MPRIP: variants seen among roughly 807,000 people sequenced by gnomAD.
MPRIP encodes myosin phosphatase Rho interacting protein, also known as myosin phosphatase Rho-interacting protein.
A neutral mutation model predicts 234.9 loss-of-function variants in MPRIP; 59 were observed. That is an observed-to-expected ratio of 0.25 (90% CI 0.20 to 0.31). The LOEUF is 0.31. Ranked by LOEUF, MPRIP falls within the 10% of genes least tolerant of loss-of-function variation. The pLI is 1.00. For synonymous variants in MPRIP, 1,144 were observed against 1,263.9 expected (o/e 0.91, Z 2.01); for missense variants, 2,436 against 3,071.0 (o/e 0.79, Z 4.89).
At position 17,167,320 on chromosome 17, in the gene MPRIP, A is replaced by G; in HGVS notation, c.5729A>G (p.Glu1910Gly). The G allele has an allele frequency of 2.3e-6, 3 of 1,303,984 alleles. No individual in the cohort carries two copies. The highest frequency in any genetic ancestry group is 3.0e-6 in the Non-Finnish European group (3 of 988,950). 80.8% of individuals were successfully genotyped at this position (1,303,984 alleles called of 1,614,324 possible). ...SEYLDVIAIV[E>G]RENAELKAKA... ...TACCTGGATGTGATCGCCATTGTTGAAAGGGAGAATGCAGAGCTCAAGGCC... is the reference window on the plus strand; with the variant it reads ...TACCTGGATGTGATCGCCATTGTTGGAAGGGAGAATGCAGAGCTCAAGGCC... The change falls in exon 16 of 24, where the codon GAA becomes GGA. Residue 1910 changes from glutamate to glycine, a missense_variant. Around this residue, in one of 4 missense-constraint regions of MPRIP, gnomAD observed 1,998 missense variants for 2,520.3 expected, o/e 0.79. Transcript: ENST00000651222. This position sits in a 1 kb window ranked among gnomAD's most constrained non-coding sequence, Gnocchi z 5.9.
At chr17:17,126,931 G>A in intron 4 of MPRIP, 78 bp downstream of exon 4, 1 of 1,539,692 alleles carries the variant, frequency 6.5e-7, no homozygotes, top group Non-Finnish European at 8.9e-7. Context: ...CTGCCCCTGT[G>A]GCAGTGTCGA....
chr17:17,159,191 C>G (rs1181248966), intron 14 of MPRIP, among the ~76,000 whole-genome samples, 189 bp downstream of exon 14: 1 of 152,224 alleles, frequency 6.6e-6, no homozygotes, highest in African/African-American at 2.4e-5. Context: ...TGGGAGCGTG[C>G]CAGTGCATGC....
intron 3 of MPRIP, among the ~76,000 whole-genome samples, chr17:17,121,646 G>A (rs2090391362): frequency 6.6e-6 from 1 of 152,198 alleles, no homozygotes; most frequent in Admixed American, 6.5e-5. Flanking sequence ...AGACTTGGAG[G>A]GAGCTATTTT....
At chr17:17,085,336 G>A (rs998490095) in intron 3 of MPRIP, among the ~76,000 whole-genome samples, 14 of 152,280 alleles carry the variant, frequency 9.2e-5, no homozygotes, top group African/African-American at 2.4e-4. Context: ...CTTTGGACTC[G>A]GGTGTGTTTT....
At chr17:17,057,495 C>G in intron 1 of MPRIP, 1 of 671,242 alleles carries the variant, frequency 1.5e-6, no homozygotes, top group South Asian at 1.7e-5. Context: ...CTTCCCAGTG[C>G]TAGGTGCTGG....
chr17:17,184,735 C>T (rs564827006), intron 23 of MPRIP, 88 bp from the exon 24 acceptor site: 178 of 977,132 alleles, frequency 1.8e-4, no homozygotes, highest in Non-Finnish European at 1.9e-5. Context: ...ATGCCGGCTC[C>T]ACCAGCGGTC....
chr17:17,121,155 A>G (rs919253877), intron 3 of MPRIP, among the ~76,000 whole-genome samples: 2 of 152,190 alleles, frequency 1.3e-5, no homozygotes, highest in Non-Finnish European at 2.9e-5. Context: ...ATCCTGAGAA[A>G]TGTGTTTTCT....
rs2046255609 is a variant in MPRIP, at chr17:17,176,457, A to G, written c.6902A>G (p.Gln2301Arg). The G allele has an allele frequency of 6.2e-7, 1 of 1,614,152 alleles. No individual in the cohort carries two copies. The highest frequency in any genetic ancestry group is 1.7e-5 in the Admixed American group (1 of 60,024). ...VLLRVKESEI[Q>R]YLKQEISSLK... ...TTGCGGGTAAAGGAATCGGAAATAC[A>G]GTACCTGAAACAGGAGATTAGCTCC... Residue 2301 changes from glutamine to arginine, a missense_variant, in exon 21 of 24, where the codon CAG becomes CGG. Transcript: ENST00000651222.
intron 14 of MPRIP, among the ~76,000 whole-genome samples, chr17:17,159,483 C>T (rs930747126): frequency 7.9e-5 from 12 of 152,144 alleles, no homozygotes; most frequent in Non-Finnish European, 1.8e-4. Context: ...ACAGCTGGGT[C>T]CTAGGTCATG....
At position 17,167,782 on chromosome 17, in the gene MPRIP, C is replaced by T. The variant is rs569676493; in HGVS notation, c.6191C>T (p.Thr2064Met). 14 of 1,304,204 alleles carry T rather than the reference C, an allele frequency of 1.1e-5. No homozygotes were observed. Among genetic ancestry groups the T allele is most frequent in the African/African-American group, 9.1e-5 (6 of 65,960 alleles). 80.8% of individuals were successfully genotyped at this position (1,304,204 alleles called of 1,614,324 possible). A position where few individuals can be genotyped will look rare whatever the true frequency, so the allele number is the denominator to read the frequency against. Residue 2064 changes from threonine (T) to methionine (M), a missense_variant, in exon 16 of 24, where the codon ACG (threonine) becomes ATG (methionine). This residue lies in a region of MPRIP where 1,998 missense variants were observed against 2,520.3 expected (regional missense o/e 0.79). Transcript: ENST00000651222. This position sits in a 1 kb window ranked among gnomAD's most constrained non-coding sequence, Gnocchi z 5.9. ...ACCCAGGGAGAGGCTGACTCCATGA[C>T]GGGGCTGAGGGAGCGCATCCAGGAG... ...QATQGEADSM[T>M]GLRERIQELE... is the part of the protein sequence containing the mutation.
rs947299307 is a variant in MPRIP at position 17,113,879 on chromosome 17, TC to T, written c.268-12822del. ...ATGTGATTTGCATTTTCTTTTCTTT[TC>T]TTTTCTTTTTTTTTTTTTTTTTTTA... On this transcript the variant is annotated intron_variant, in intron 3 of 23. Coordinates refer to ENST00000651222, the MANE Select transcript of MPRIP (RefSeq NM_001364716.4). Among the ~76,000 whole-genome samples the T allele has an allele frequency of 3.2e-3, 428 of 131,958 alleles. 4 individuals are homozygous for T. The highest frequency in any genetic ancestry group is 0.014 in the African/African-American group (411 of 28,516). The allele number at this position is 131,958 out of a possible 152,430, so 86.6% of individuals were successfully genotyped here. A position where few individuals can be genotyped will look rare whatever the true frequency, so the allele number is the denominator to read the frequency against.
chr17:17,068,149 GTTTTGTT>G (rs2089096886), intron 1 of MPRIP, among the ~76,000 whole-genome samples: 1 of 150,738 alleles, frequency 6.6e-6, no homozygotes, highest in African/African-American at 2.4e-5. Flanking sequence ...GTGTTTTTTT[GTTTTGTT>G]TTTTGTTTTT....
rs187057250 is a variant in MPRIP, at chr17:17,046,969, G to A, written c.123+3998G>A. ...GAGGTGGGTGGATGATCTGAGGTCA[G>A]GAGTTCAAGACCAGCCTGGCCAACA... On this transcript the variant is annotated intron_variant, in intron 1 of 23. Coordinates refer to ENST00000651222, the MANE Select transcript of MPRIP (RefSeq NM_001364716.4). 1.7e-3 allele frequency among the ~76,000 whole-genome samples: 257 copies of A among 152,268 alleles called. 1 individual carries two copies. Among genetic ancestry groups the A allele is most frequent in the Non-Finnish European group, 3.1e-3 (214 of 68,020 alleles).
At chr17:17,130,215 T>A (rs899754754) in intron 4 of MPRIP, among the ~76,000 whole-genome samples, 3 of 152,166 alleles carry the variant, frequency 2.0e-5, no homozygotes, top group African/African-American at 7.2e-5. Context: ...GCTCTGTTGC[T>A]GTGGTTCCGT....
At chr17:17,131,985 G>A (rs980227795) in intron 5 of MPRIP, among the ~76,000 whole-genome samples, 10 of 152,214 alleles carry the variant, frequency 6.6e-5, no homozygotes, top group Middle Eastern at 3.2e-3. Context: ...TCGCTATCCT[G>A]CTGGCAGCTG....
At chr17:17,156,995 C>A (rs1458603667) in intron 13 of MPRIP, among the ~76,000 whole-genome samples, 1 of 152,194 alleles carries the variant, frequency 6.6e-6, no homozygotes, top group Non-Finnish European at 1.5e-5. Flanking sequence ...ACATGTGCTC[C>A]CTGGAGCTCC....
intron 3 of MPRIP, 100 bp from the exon 4 acceptor site, chr17:17,126,601 GA>G (rs2090494109): frequency 7.4e-7 from 1 of 1,349,534 alleles, no homozygotes; most frequent in Non-Finnish European, 1.0e-6. Flanking sequence ...AGCACTCCTA[GA>G]GGCCCCACAG....
At chr17:17,112,730 G>T (rs1055444634) in intron 3 of MPRIP, among the ~76,000 whole-genome samples, 1 of 152,258 alleles carries the variant, frequency 6.6e-6, no homozygotes, top group Admixed American at 6.5e-5. Flanking sequence ...CTGCAACTGG[G>T]CTGTGGGTTG....
At chr17:17,072,779 A>G (rs2089228581) in intron 1 of MPRIP, among the ~76,000 whole-genome samples, 1 of 151,974 alleles carries the variant, frequency 6.6e-6, no homozygotes. Flanking sequence ...GTTCTCAGTA[A>G]TTACAGATGG....
Sources: gnomAD v4.1 joint callset for allele counts (sites outside exome capture counted in the v4.1 genomes callset) on GRCh38, gnomAD v4.1.1 for gene constraint, gnomAD v4.1.1 regional missense constraint, Gnocchi (gnomAD v3.1) non-coding constraint, MANE v1.5 for transcripts, NCBI Gene and HGNC (gene_info 2026-07-23, HGNC 2026-07-21) for gene names.